Variants in CRTC3 observed in about 807,000 individuals in gnomAD.
CRTC3 encodes the protein CREB regulated transcription coactivator 3.
A neutral mutation model predicts 74.5 loss-of-function variants in CRTC3; 26 were observed. The ratio of observed to expected loss-of-function variants is 0.35; its 90% CI spans 0.26 to 0.48. The LOEUF (loss-of-function observed/expected upper bound fraction) is 0.48. Ranked by LOEUF, CRTC3 falls within the 20% of genes least tolerant of loss-of-function variation. CRTC3 has a pLI of 0.99. For missense variants in CRTC3, 760 were observed against 787.3 expected, an observed-to-expected ratio of 0.97 and a Z score of 0.41; for synonymous variants, 377 against 325.8, an observed-to-expected ratio of 1.16 and a Z score of -1.69.
intron 10 of CRTC3, among the ~76,000 whole-genome samples, chr15:90,626,611 CTTT>C (rs922457681): frequency 1.3e-4 from 17 of 133,390 alleles, no homozygotes; most frequent in East Asian, 4.2e-4. Flanking sequence ...AAGCCTGACA[CTTT>C]TTTTTTTTTT....
At chr15:90,572,214 A>G (rs866975161) in intron 2 of CRTC3, among the ~76,000 whole-genome samples, 12 of 150,508 alleles carry the variant, frequency 8.0e-5, no homozygotes, top group African/African-American at 2.9e-4. Flanking sequence ...GTATCTTTCT[A>G]TGTCAGTACC....
intron 11 of CRTC3, chr15:90,637,974 T>C (rs751220407): frequency 6.5e-6 from 1 of 153,836 alleles, no homozygotes; most frequent in South Asian, 2.0e-4. Context: ...TCTCCCGTTA[T>C]CTTTGTCCTC....
intron 1 of CRTC3, among the ~76,000 whole-genome samples, chr15:90,538,895 G>T (rs1966761724): frequency 6.6e-6 from 1 of 151,936 alleles, no homozygotes; most frequent in African/African-American, 2.4e-5. Context: ...TCAGCCTCCT[G>T]CTAGCCACGT....
rs1241813294 is a variant in CRTC3, at chr15:90,636,572, T to G, written c.1267-1874T>G. Among the ~76,000 whole-genome samples the G allele has an allele frequency of 3.3e-5, 5 of 151,922 alleles. No individual in the cohort carries two copies. In the South Asian group the frequency reaches 6.2e-4, roughly 19 times the overall value. ...ATTAACAAATGGGATCTAATTAAACTAAAGAGCTTCTGCACAGCAAAAGAA... is the reference window on the plus strand; with the variant it reads ...ATTAACAAATGGGATCTAATTAAACGAAAGAGCTTCTGCACAGCAAAAGAA... On this transcript the variant is annotated intron_variant, in intron 11 of 14. Coordinates refer to ENST00000268184, the MANE Select transcript of CRTC3 (RefSeq NM_022769.5).
intron 11 of CRTC3, among the ~76,000 whole-genome samples, chr15:90,633,240 T>A (rs1408747248): frequency 6.8e-6 from 1 of 146,670 alleles, no homozygotes; most frequent in Non-Finnish European, 1.5e-5. Flanking sequence ...GTTATCTATA[T>A]GTATCTATGT....
rs201329746 is a variant in CRTC3, at chr15:90,629,473, C to G, written c.1207C>G (p.Gln403Glu). The change falls in exon 11 of 15, where the codon CAA (glutamine) becomes GAA (glutamate). Residue 403 changes from glutamine to glutamate, a missense_variant. Gln to Glu is a conservative substitution (Grantham distance 29). This residue lies in a region of CRTC3 where 652 missense variants were observed against 635.2 expected (regional missense o/e 1.03). Transcript: ENST00000268184. ...LTLSPGPEAH[Q>E]GFSRQLSSTS... ...GCTTTCTCCTGGCCCTGAAGCACAT[C>G]AAGGTTTCAGCAGACAGCTGTCTTC... 3 of 1,614,150 alleles carry G rather than the reference C, an allele frequency of 1.9e-6. No individual in the cohort carries two copies. In the African/African-American group the frequency reaches 4.0e-5, roughly 22 times the overall value.
intron 11 of CRTC3, among the ~76,000 whole-genome samples, chr15:90,633,315 A>G (rs1031903017): frequency 6.6e-6 from 1 of 152,214 alleles, no homozygotes; most frequent in South Asian, 2.1e-4. Flanking sequence ...ATTCAAAACT[A>G]AATTCTCTAG....
At chr15:90,576,286 G>T (rs1967401936) in intron 2 of CRTC3, among the ~76,000 whole-genome samples, 1 of 152,056 alleles carries the variant, frequency 6.6e-6, no homozygotes, top group African/African-American at 2.4e-5. Context: ...TAAATAGATG[G>T]TCAAAATGAC....
At chr15:90,627,487 A>G (rs12908911) in intron 10 of CRTC3, among the ~76,000 whole-genome samples, 27,096 of 152,070 alleles carry the variant, frequency 0.18, 2,462 homozygotes, top group Middle Eastern at 0.19. Flanking sequence ...GTCTCAGGGA[A>G]GCTGGCATTT....
At chr15:90,604,621 G>A (rs1033767787) in intron 5 of CRTC3, among the ~76,000 whole-genome samples, 174 bp downstream of exon 5, 2 of 152,294 alleles carry the variant, frequency 1.3e-5, no homozygotes, top group South Asian at 2.1e-4. Flanking sequence ...TAGAGCACAC[G>A]AGGTCTGGGA....
rs530838011 is a variant in CRTC3, at chr15:90,560,909, C to T, written c.231+20772C>T. 5.9e-5 allele frequency among the ~76,000 whole-genome samples: 9 copies of T among 152,338 alleles called. No homozygotes were observed. The South Asian group carries it at 1.2e-3, about 21-fold the overall frequency. On this transcript the variant is annotated intron_variant, in intron 2 of 14. Transcript: ENST00000268184. ...AATTTAATACCATACAAGCCCTTTT[C>T]TTGATCAAGCAATTTAGTAAGTCTC...
chr15:90,638,192 T>G, intron 11 of CRTC3: 1 of 427,522 alleles, frequency 2.3e-6, no homozygotes, highest in East Asian at 3.7e-5. Flanking sequence ...GAAAGGAAAT[T>G]GGTTAAATTG....
intron 2 of CRTC3, among the ~76,000 whole-genome samples, chr15:90,587,641 C>T (rs1042916685): frequency 6.6e-6 from 1 of 152,070 alleles, no homozygotes; most frequent in Non-Finnish European, 1.5e-5. Context: ...GAGACAAGGT[C>T]TCCCCTCTGT....
chr15:90,590,656 G>A (rs769600220), intron 2 of CRTC3, among the ~76,000 whole-genome samples: 2 of 151,824 alleles, frequency 1.3e-5, no homozygotes, highest in African/African-American at 2.4e-5. Context: ...CACTGCACCC[G>A]GCCCAGACTT....
intron 3 of CRTC3, chr15:90,599,625 G>A (rs564168862): frequency 1.3e-5 from 2 of 152,184 alleles, no homozygotes; most frequent in African/African-American, 4.8e-5. Context: ...GAGCTCAGAG[G>A]TCACATCTTT....
intron 1 of CRTC3, among the ~76,000 whole-genome samples, chr15:90,533,803 G>A (rs529918628): frequency 6.6e-6 from 1 of 152,320 alleles, no homozygotes; most frequent in Admixed American, 6.5e-5. Flanking sequence ...CTCTGGACCT[G>A]TATGGTAGGG....
In CRTC3 at chr15:90,561,593, G is replaced by C. The variant is rs111771807; in HGVS notation, c.231+21456G>C. The stretch of plus-strand genomic sequence containing the variant: ...AGGTCTCTATATTCCCTCGCATTTT[G>C]AATCTGTGTTAAATTCAATCATATT... On this transcript the variant is annotated intron_variant, in intron 2 of 14. Coordinates refer to ENST00000268184, the MANE Select transcript of CRTC3 (RefSeq NM_022769.5). Among the ~76,000 whole-genome samples, 807 of 152,230 alleles carry C rather than the reference G, an allele frequency of 5.3e-3. 11 individuals carry two copies. The highest frequency in any genetic ancestry group is 0.019 in the African/African-American group (769 of 41,544).
chr15:90,638,453 C>T lies in CRTC3; in HGVS notation c.1274C>T (p.Ser425Phe), dbSNP rs762501027. ...LAPYPTSQMV[S>F]SDRSQLSFLP... ...TGTGTGTTTGTTTTGCAGATGGTGT[C>T]CTCAGACCGAAGCCAACTTTCCTTT... The change falls in exon 12 of 15, where the codon TCC (serine) becomes TTC (phenylalanine). Residue 425 changes from serine (S) to phenylalanine (F), a missense_variant. Transcript: ENST00000268184. The T allele has an allele frequency of 1.2e-6, 2 of 1,614,010 alleles. No homozygotes were observed. Among genetic ancestry groups the T allele is most frequent in the South Asian group, 1.1e-5 (1 of 91,076 alleles).
intron 1 of CRTC3, among the ~76,000 whole-genome samples, chr15:90,536,618 A>C (rs1017388240): frequency 1.3e-4 from 20 of 152,162 alleles, no homozygotes; most frequent in African/African-American, 4.6e-4. Context: ...GGCTATTGTG[A>C]GACTTTTCTC....
Sources: allele counts gnomAD v4.1 joint callset (sites outside exome capture counted in the v4.1 genomes callset), GRCh38; gene constraint gnomAD v4.1.1; regional missense constraint gnomAD v4.1.1; transcripts MANE v1.5; gene names NCBI Gene and HGNC (gene_info 2026-07-23, HGNC 2026-07-21).